ANKRD11: variants seen among roughly 807,000 people sequenced by gnomAD.
The protein encoded by ANKRD11 is ankyrin repeat domain-containing protein 11.
ANKRD11 carries 17 observed loss-of-function variants against 195.7 expected under a neutral mutation model. The ratio of observed to expected loss-of-function variants is 0.09; its 90% confidence interval spans 0.06 to 0.13. ANKRD11 has a LOEUF of 0.13. Ranked by LOEUF, ANKRD11 falls within the 10% of genes least tolerant of loss-of-function variation. The probability of loss-of-function intolerance (pLI) is 1.00; values close to 1 mark genes in which losing one functional copy is unlikely to be tolerated. For missense variants in ANKRD11, 3,735 were observed against 3,566.1 expected (o/e 1.05, Z -1.21); for synonymous variants, 1,953 against 1,528.1 (o/e 1.28, Z -6.49).
chr16:89,489,977 C>T (rs1184113601), intron 1 of ANKRD11, among the ~76,000 whole-genome samples: 4 of 144,944 alleles, frequency 2.8e-5, no homozygotes, highest in African/African-American at 5.1e-5. Flanking sequence ...CCGGAGCCCC[C>T]TATGGGCCCC....
chr16:89,287,178 GC>G, intron 7 of ANKRD11: 2 of 1,159,242 alleles, frequency 1.7e-6, no homozygotes, highest in African/African-American at 1.6e-5. Flanking sequence ...CTGCTTAGGG[GC>G]CACCACACTC....
intron 1 of ANKRD11, among the ~76,000 whole-genome samples, chr16:89,448,046 C>A (rs1382135801): frequency 6.6e-6 from 1 of 151,988 alleles, no homozygotes; most frequent in Non-Finnish European, 1.5e-5. Context: ...CTCAGGTGAT[C>A]CGCCCACCTT....
At chr16:89,286,306 C>A in intron 7 of ANKRD11, 120 bp from the exon 8 acceptor site, 2 of 1,415,610 alleles carry the variant, frequency 1.4e-6, no homozygotes, top group Non-Finnish European at 2.0e-6. Flanking sequence ...CAGCCCCTCA[C>A]GGTCTGAGGG....
In ANKRD11 at chr16:89,284,096, C is replaced by T. The variant is rs1183047246; in HGVS notation, c.2446G>A (p.Glu816Lys). 4.3e-6 allele frequency: 7 copies of T among 1,613,768 alleles called. No homozygotes were observed. The highest frequency in any genetic ancestry group is 5.1e-6 in the Non-Finnish European group (6 of 1,179,868). The change falls in exon 9 of 13, where the codon GAA (glutamate) becomes AAA (lysine). Residue 816 changes from glutamate (E) to lysine (K), a missense_variant. Transcript: ENST00000301030. ...KVYREDSAFD[E>K]YCNKNQFLEN... Reference sequence around the variant, plus strand: ...AGAAACTGATTTTTGTTACAATATTCGTCAAAAGCAGAATCTTCCCTATAA... The same window carrying T: ...AGAAACTGATTTTTGTTACAATATTTGTCAAAAGCAGAATCTTCCCTATAA...
At chr16:89,386,029 G>A (rs1452591474) in intron 2 of ANKRD11, among the ~76,000 whole-genome samples, 4 of 152,238 alleles carry the variant, frequency 2.6e-5, no homozygotes, top group African/African-American at 7.2e-5. Flanking sequence ...ACGGGTGTGC[G>A]CCGCCATGCC....
chr16:89,301,156 G>A (rs189071584), intron 4 of ANKRD11, among the ~76,000 whole-genome samples: 2 of 152,154 alleles, frequency 1.3e-5, no homozygotes, highest in Non-Finnish European at 1.5e-5. Flanking sequence ...GCCCAGGCTG[G>A]AGGGCAGTGG....
At chr16:89,417,075 C>G (rs536644691) in intron 2 of ANKRD11, among the ~76,000 whole-genome samples, 57 of 152,306 alleles carry the variant, frequency 3.7e-4, no homozygotes, top group Middle Eastern at 6.8e-3. Flanking sequence ...AATTCTAGAC[C>G]TATTTTCAAG....
At chr16:89,462,829 C>T (rs1393541750) in intron 1 of ANKRD11, among the ~76,000 whole-genome samples, 2 of 150,738 alleles carry the variant, frequency 1.3e-5, no homozygotes, top group African/African-American at 4.9e-5. Context: ...GCCCCTCCGC[C>T]CGGCAGCCAC....
intron 1 of ANKRD11, among the ~76,000 whole-genome samples, chr16:89,480,184 CCTAA>C (rs1402714068): frequency 6.6e-6 from 1 of 151,618 alleles, no homozygotes; most frequent in Non-Finnish European, 1.5e-5. Context: ...TTTTAAAAAT[CCTAA>C]CTTTTAGGCC....
At chr16:89,426,567 A>ACACACAC (rs1555574377) in intron 1 of ANKRD11, among the ~76,000 whole-genome samples, 7 of 151,452 alleles carry the variant, frequency 4.6e-5, no homozygotes, top group Non-Finnish European at 8.8e-5. Context: ...ACACACACAC[A>ACACACAC]AATCTGAAAT....
At chr16:89,432,236 TACACACACACACACAC>T (rs59807718) in intron 1 of ANKRD11, among the ~76,000 whole-genome samples, 24 of 142,944 alleles carry the variant, frequency 1.7e-4, no homozygotes, top group East Asian at 4.1e-4. Flanking sequence ...CGTGATGCAG[TACACACACACACACAC>T]ACACACACAC....
chr16:89,405,865 C>A (rs1405101216), intron 2 of ANKRD11, among the ~76,000 whole-genome samples: 4 of 152,150 alleles, frequency 2.6e-5, no homozygotes. Flanking sequence ...AATCCCAGCA[C>A]TTTGGGAGCC....
intron 1 of ANKRD11, among the ~76,000 whole-genome samples, chr16:89,436,930 A>G (rs2043239839): frequency 2.0e-5 from 3 of 152,232 alleles, no homozygotes; most frequent in African/African-American, 7.2e-5. Flanking sequence ...TACATTTATC[A>G]ACCACATCTT....
intron 1 of ANKRD11, among the ~76,000 whole-genome samples, chr16:89,467,420 C>T (rs2056922967): frequency 6.6e-6 from 1 of 152,210 alleles, no homozygotes; most frequent in Non-Finnish European, 1.5e-5. Context: ...CCAGCCTGGA[C>T]CACAGAGTAA....
At chr16:89,353,370 G>C (rs1242623687) in intron 2 of ANKRD11, among the ~76,000 whole-genome samples, 1 of 151,644 alleles carries the variant, frequency 6.6e-6, no homozygotes, top group Non-Finnish European at 1.5e-5. Flanking sequence ...GAGAGAGAGA[G>C]AGAAAGTAAA....
chr16:89,352,639 T>C (rs2039275466), intron 2 of ANKRD11, among the ~76,000 whole-genome samples: 1 of 152,150 alleles, frequency 6.6e-6, no homozygotes. Context: ...AAAAGCTCTG[T>C]CCGCTCCACT....
At chr16:89,487,770 A>G (rs1283735020) in intron 1 of ANKRD11, among the ~76,000 whole-genome samples, 2 of 152,310 alleles carry the variant, frequency 1.3e-5, no homozygotes, top group Admixed American at 6.5e-5. Context: ...CGAGACTCCA[A>G]AAAAATAAAA....
At chr16:89,384,258 C>G (rs569231937) in intron 2 of ANKRD11, among the ~76,000 whole-genome samples, 1 of 152,232 alleles carries the variant, frequency 6.6e-6, no homozygotes, top group African/African-American at 2.4e-5. Flanking sequence ...AGGCTGGGCA[C>G]GGTGGCTCAC....
At chr16:89,302,034 G>A (rs2035887036) in intron 4 of ANKRD11, among the ~76,000 whole-genome samples, 1 of 152,202 alleles carries the variant, frequency 6.6e-6, no homozygotes, top group Non-Finnish European at 1.5e-5. Flanking sequence ...CCTGACTGCT[G>A]GGGACCAGAG....
Sources: allele counts gnomAD v4.1 joint callset (sites outside exome capture counted in the v4.1 genomes callset), GRCh38; gene constraint gnomAD v4.1.1; transcripts MANE v1.5; gene names NCBI Gene and HGNC (gene_info 2026-07-23, HGNC 2026-07-21).